Variants in UBN2 observed in about 807,000 individuals in gnomAD.
The protein encoded by UBN2 is ubinuclein-2.
UBN2 carries 35 observed loss-of-function variants against 120.2 expected under a neutral mutation model. The ratio of observed to expected loss-of-function variants is 0.29; its 90% CI spans 0.22 to 0.39. UBN2 has a LOEUF of 0.39. Ranked by LOEUF, UBN2 falls within the 10% of genes least tolerant of loss-of-function variation. The pLI, the probability that UBN2 is intolerant of heterozygous loss-of-function variation, is 1.00. For missense variants in UBN2, 1,693 were observed against 1,663.2 expected (o/e 1.02, Z -0.31); for synonymous variants, 661 against 648.7 (o/e 1.02, Z -0.29).
chr7:139,266,429 A>T (rs777679667), intron 7 of UBN2, 26 bp downstream of exon 7: 3 of 1,367,272 alleles, frequency 2.2e-6, no homozygotes. Context: ...TAAAAAAAAA[A>T]ACCTTAAGAA....
downstream of UBN2, among the ~76,000 whole-genome samples, chr7:139,309,061 G>A (rs758203745): frequency 2.0e-5 from 3 of 152,080 alleles, no homozygotes; most frequent in Non-Finnish European, 4.4e-5. Flanking sequence ...GCGAGACTCC[G>A]TCTCAACAAC....
Position 139,283,859 on chromosome 7 carries a change from C to T in UBN2, c.2954C>T (p.Ser985Phe), listed in dbSNP as rs1308689632. 6.2e-7 allele frequency: 1 copy of T among 1,614,182 alleles called. No individual in the cohort carries two copies. The highest frequency in any genetic ancestry group is 1.1e-5 in the South Asian group (1 of 91,088). The stretch of plus-strand genomic sequence containing the variant: ...CCACTTATGTACCGCCTTCCCTTAT[C>T]TACCCCCTCACCTGGAAATGGTTCT... ...DKPLMYRLPL[S>F]TPSPGNGSQG... The change falls in exon 15 of 18, where the codon TCT becomes TTT. Residue 985 changes from serine (S) to phenylalanine (F), a missense_variant. Ser to Phe is a radical substitution (Grantham distance 155, BLOSUM62 -2). Transcript: ENST00000473989.
In UBN2 at chr7:139,279,202, A is replaced by G. The variant is rs551897069; in HGVS notation, c.2025-116A>G. ...TGAGCACTTAAATACGGTTCCTTCA[A>G]AGAGCTTTCCAAATAGCAGAAGGAA... On this transcript the variant is annotated intron_variant, in intron 12 of 17. Transcript: ENST00000473989. The G allele has an allele frequency of 4.8e-6, 4 of 829,430 alleles. No homozygotes were observed. In the African/African-American group the frequency reaches 6.9e-5, roughly 14 times the overall value. 51.4% of individuals were successfully genotyped at this position (829,430 alleles called of 1,614,324 possible). A position where few individuals can be genotyped will look rare whatever the true frequency, so the allele number is the denominator to read the frequency against.
rs765188008 is a variant in UBN2 at position 139,273,356 on chromosome 7, C to G, written c.1775C>G (p.Pro592Arg). The G allele has an allele frequency of 1.2e-6, 2 of 1,608,298 alleles. No individual in the cohort carries two copies. The highest frequency in any genetic ancestry group is 1.1e-5 in the South Asian group (1 of 89,996). The change falls in exon 10 of 18, where the codon CCA (proline) becomes CGA (arginine). Residue 592 changes from proline (P) to arginine (R), a missense_variant. Transcript: ENST00000473989. ...TCTGAAGAGGATGATGATGAGAAAC[C>G]AGGAAAACGTGTCATAGGACCAAGA... Reference protein sequence around the residue: ...NGSEEDDDEKPGKRVIGPRKK... With the variant: ...NGSEEDDDEKRGKRVIGPRKK...
intron 17 of UBN2, among the ~76,000 whole-genome samples, chr7:139,294,899 C>T (rs573398187): frequency 6.6e-6 from 1 of 152,296 alleles, no homozygotes; most frequent in South Asian, 2.1e-4. Context: ...GCAGCCAGAT[C>T]GCTCTGAAAT....
At chr7:139,253,842 T>C (rs1304755422) in intron 3 of UBN2, among the ~76,000 whole-genome samples, 1 of 152,224 alleles carries the variant, frequency 6.6e-6, no homozygotes, top group Non-Finnish European at 1.5e-5. Flanking sequence ...TGACACTAGG[T>C]GACTATTACA....
chr7:139,288,157 C>T (rs1797844179), intron 15 of UBN2, among the ~76,000 whole-genome samples: 1 of 152,120 alleles, frequency 6.6e-6, no homozygotes. Flanking sequence ...GCCAGGCACT[C>T]TTCTAGGTGC....
chr7:139,239,171 C>G (rs1349006386), intron 2 of UBN2, among the ~76,000 whole-genome samples: 1 of 152,140 alleles, frequency 6.6e-6, no homozygotes, highest in Non-Finnish European at 1.5e-5. Context: ...CTTTCCCACC[C>G]CCTTTTTATA....
Position 139,235,081 on chromosome 7 carries a change from TG to T in UBN2, c.469-1923del, listed in dbSNP as rs576007059. Among the ~76,000 whole-genome samples the T allele has an allele frequency of 1.5e-4, 23 of 152,318 alleles. No individual in the cohort carries two copies. In the East Asian group the frequency reaches 3.9e-3, roughly 26 times the overall value. On this transcript the variant is annotated intron_variant, in intron 1 of 17. Coordinates refer to ENST00000473989, the MANE Select transcript of UBN2 (RefSeq NM_173569.4). ...TAGGCTGTCAAGAGAAAATAAGAGC[TG>T]TACTTTTGATACCTACATAAAATAC... is the stretch of plus-strand genomic sequence containing the variant.
rs1798347429 is a variant in UBN2 at position 139,305,780 on chromosome 7, A to C, written c.*7944A>C. 6.6e-6 allele frequency: 1 copy of C among 152,162 alleles called. No individual in the cohort carries two copies. The highest frequency in any genetic ancestry group is 6.5e-5 in the Admixed American group (1 of 15,272). The allele number at this position is 152,162 out of a possible 1,614,324, so 9.4% of individuals were successfully genotyped here. A position where few individuals can be genotyped will look rare whatever the true frequency, so the allele number is the denominator to read the frequency against. On this transcript the variant is annotated 3_prime_UTR_variant, in exon 18 of 18. Coordinates refer to ENST00000473989, the MANE Select transcript of UBN2 (RefSeq NM_173569.4). The stretch of plus-strand genomic sequence containing the variant: ...TTTTTCCTCTTCTCCTTTGTATTAA[A>C]AAATAGATTTTGCTACTGTATAATG...
In UBN2 at chr7:139,231,703, C is replaced by A; in HGVS notation, c.219C>A (p.Pro73=). 1 of 1,179,510 alleles carries A rather than the reference C, an allele frequency of 8.5e-7. No individual in the cohort carries two copies. The highest frequency in any genetic ancestry group is 1.0e-6 in the Non-Finnish European group (1 of 957,506). 73.1% of individuals were successfully genotyped at this position (1,179,510 alleles called of 1,614,324 possible). ...AQPPSREKPL[P]QREVSRAEPP... Reference sequence around the variant, plus strand: ...CCCCGTCGCGGGAGAAGCCGCTCCCCCAGCGCGAGGTCAGCCGCGCCGAGC... The same window carrying A: ...CCCCGTCGCGGGAGAAGCCGCTCCCACAGCGCGAGGTCAGCCGCGCCGAGC... The change falls in exon 1 of 18, where the codon CCC becomes CCA. Residue 73 remains proline (P), a synonymous_variant. Coordinates refer to ENST00000473989, the MANE Select transcript of UBN2 (RefSeq NM_173569.4).
chr7:139,295,135 A>G (rs1462317874), intron 17 of UBN2, among the ~76,000 whole-genome samples: 14 of 149,946 alleles, frequency 9.3e-5, no homozygotes, highest in Non-Finnish European at 1.6e-4. Context: ...CCTTTGAACC[A>G]GTTTACCATT....
At chr7:139,258,733 C>G (rs985690770) in intron 4 of UBN2, 108 bp downstream of exon 4, 2 of 976,274 alleles carry the variant, frequency 2.0e-6, no homozygotes, top group African/African-American at 3.4e-5. Flanking sequence ...AAAATACAAA[C>G]CATTGTGTCA....
rs1183048844 is a variant in UBN2 at position 139,261,563 on chromosome 7, T to C, written c.1217T>C (p.Phe406Ser). 6.2e-7 allele frequency: 1 copy of C among 1,614,198 alleles called. No individual in the cohort carries two copies. The highest frequency in any genetic ancestry group is 2.2e-5 in the East Asian group (1 of 44,888). ...AATGCCCTAGAGATGCTAGATGATT[T>C]TGACTTCGACAGATTACTGGATGCT... ...AENALEMLDD[F>S]DFDRLLDAAS... The change falls in exon 6 of 18, where the codon TTT becomes TCT. Residue 406 changes from phenylalanine to serine, a missense_variant. Transcript: ENST00000473989.
chr7:139,240,460 T>TTG, intron 2 of UBN2, among the ~76,000 whole-genome samples: 1 of 142,224 alleles, frequency 7.0e-6, no homozygotes, highest in Non-Finnish European at 1.5e-5. Context: ...ATATATTTTT[T>TTG]TTTTTAAATA....
intron 2 of UBN2, among the ~76,000 whole-genome samples, chr7:139,238,719 G>A (rs1300497804): frequency 6.6e-6 from 1 of 152,172 alleles, no homozygotes; most frequent in Non-Finnish European, 1.5e-5. Context: ...ATTGGGCCTG[G>A]CCAAGGGTAC....
At chr7:139,330,138 G>T in the UBN2 span, among the ~76,000 whole-genome samples, 1 of 152,112 alleles carries the variant, frequency 6.6e-6, no homozygotes, top group Non-Finnish European at 1.5e-5. Flanking sequence ...ATATTATAGG[G>T]TGCCCCCTCA....
chr7:139,237,151 T>TAA, intron 2 of UBN2, 54 bp downstream of exon 2: 5 of 1,348,318 alleles, frequency 3.7e-6, no homozygotes, highest in Non-Finnish European at 5.2e-6. Flanking sequence ...ACCTGTTTGC[T>TAA]TTCTGTGGCT....
chr7:139,328,911 A>G, the UBN2 span, among the ~76,000 whole-genome samples: 5 of 151,944 alleles, frequency 3.3e-5, no homozygotes, highest in African/African-American at 1.2e-4. Context: ...GAAACTAAAG[A>G]TTAAACTCAA....
Sources: gnomAD v4.1 joint callset for allele counts (sites outside exome capture counted in the v4.1 genomes callset) on GRCh38, gnomAD v4.1.1 for gene constraint, MANE v1.5 for transcripts, NCBI Gene and HGNC (gene_info 2026-07-23, HGNC 2026-07-21) for gene names.